ETV7: variants seen among roughly 807,000 people sequenced by gnomAD.
ETV7 encodes the protein transcription factor ETV7.
In ETV7, 43 loss-of-function variants were observed where a neutral mutation model predicts 39.1. That is an observed-to-expected ratio of 1.10 (90% confidence interval 0.86 to 1.42). The LOEUF is 1.42. ETV7 is among the 40% of genes most tolerant of loss of function. The probability of loss-of-function intolerance (pLI) is 0.00; values close to 1 mark genes in which losing one functional copy is unlikely to be tolerated. For synonymous variants in ETV7, 196 were observed against 176.6 expected (o/e 1.11, Z -0.87); for missense variants, 432 against 442.3 (o/e 0.98, Z 0.21).
exon 8 of ETV7, chr6:36,354,393 C>T (rs1056821884): frequency 1.3e-5 from 4 of 316,396 alleles, no homozygotes; most frequent in Admixed American, 9.6e-5. Context: ...TTAGCTCTTA[C>T]GTTTATGTCT....
chr6:36,371,323 C>A lies in ETV7; in HGVS notation c.664+7G>T. On this transcript the variant is annotated splice_region_variant and intron_variant, in intron 5 of 7. Transcript: ENST00000340181. ...TTCCATGGCCAGAGGAACAGCCTCCCACTCACCAGCGATCCTGCCGTCAAT... is the reference window on the plus strand; with the variant it reads ...TTCCATGGCCAGAGGAACAGCCTCCAACTCACCAGCGATCCTGCCGTCAAT... 6.4e-7 allele frequency: 1 copy of A among 1,574,572 alleles called. No homozygotes were observed. Among genetic ancestry groups the A allele is most frequent in the South Asian group, 1.2e-5 (1 of 86,514 alleles).
intron 7 of ETV7, among the ~76,000 whole-genome samples, chr6:36,360,469 C>T (rs1476941958): frequency 1.3e-5 from 2 of 152,108 alleles, no homozygotes; most frequent in Admixed American, 6.5e-5. Context: ...CAATTCCACC[C>T]CCACCCCTGC....
At chr6:36,380,910 C>G (rs909958018) in intron 2 of ETV7, among the ~76,000 whole-genome samples, 2 of 152,006 alleles carry the variant, frequency 1.3e-5, no homozygotes, top group Non-Finnish European at 2.9e-5. Context: ...CTTCCCACAG[C>G]ATCCCTTTTA....
intron 7 of ETV7, among the ~76,000 whole-genome samples, chr6:36,359,504 A>G (rs558909440): frequency 6.6e-6 from 1 of 152,300 alleles, no homozygotes; most frequent in African/African-American, 2.4e-5. Context: ...GGGACAGTCT[A>G]CTACAGGAGA....
At chr6:36,386,746 C>T (rs928552288) in intron 1 of ETV7, 3 of 152,274 alleles carry the variant, frequency 2.0e-5, no homozygotes, top group Non-Finnish European at 4.4e-5. Flanking sequence ...GGGTCGTTCT[C>T]ACTTCATTTC....
chr6:36,362,362 C>G (rs574212776), downstream of ETV7, among the ~76,000 whole-genome samples: 2 of 152,102 alleles, frequency 1.3e-5, no homozygotes, highest in Non-Finnish European at 2.9e-5. Flanking sequence ...ACTCGGGAGG[C>G]TGAGGCAGGA....
Position 36,378,354 on chromosome 6 carries a change from T to C in ETV7, c.143-2319A>G, listed in dbSNP as rs112576240. Among the ~76,000 whole-genome samples, 1,358 of 150,982 alleles carry C rather than the reference T, an allele frequency of 9.0e-3. 16 individuals are homozygous for C. Among genetic ancestry groups the C allele is most frequent in the African/African-American group, 0.031 (1,285 of 41,080 alleles). On this transcript the variant is annotated intron_variant, in intron 2 of 7. Transcript: ENST00000340181. Reference sequence around the variant, plus strand: ...GTAGGTAGATTAAAGGCATAAAGAATAGAAAAATACAAATCTTAATAGAAG... The same window carrying C: ...GTAGGTAGATTAAAGGCATAAAGAACAGAAAAATACAAATCTTAATAGAAG...
downstream of ETV7, among the ~76,000 whole-genome samples, chr6:36,363,519 C>A (rs978026150): frequency 5.3e-5 from 8 of 152,232 alleles, no homozygotes; most frequent in Admixed American, 3.3e-4. Flanking sequence ...AGGAGTGAAG[C>A]TGCAGATCTT....
chr6:36,363,066 G>A (rs2127383375), downstream of ETV7, among the ~76,000 whole-genome samples: 1 of 152,094 alleles, frequency 6.6e-6, no homozygotes, highest in Middle Eastern at 3.4e-3. Context: ...TAAAATGAGG[G>A]CCTGGATAAA....
At chr6:36,384,396 G>A (rs1182301820) in intron 2 of ETV7, among the ~76,000 whole-genome samples, 1 of 151,934 alleles carries the variant, frequency 6.6e-6, no homozygotes, top group Admixed American at 6.5e-5. Context: ...AAGTGATCCT[G>A]CATTGTTTGG....
chr6:36,357,615 G>A (rs1397498327), intron 7 of ETV7, among the ~76,000 whole-genome samples: 5 of 152,140 alleles, frequency 3.3e-5, no homozygotes, highest in African/African-American at 1.2e-4. Context: ...GCTGGCTCAT[G>A]CCTGTAATCC....
intron 3 of ETV7, 23 bp from the exon 4 acceptor site, chr6:36,373,601 G>GGGGGGC: frequency 2.7e-5 from 13 of 475,590 alleles, no homozygotes; most frequent in Non-Finnish European, 4.4e-5. Flanking sequence ...GGGAGGGAGG[G>GGGGGGC]CAGGCTGCTG....
intron 3 of ETV7, 150 bp downstream of exon 3, chr6:36,375,721 G>A (rs1341151927): frequency 8.0e-6 from 10 of 1,244,444 alleles, no homozygotes; most frequent in South Asian, 2.7e-5. Context: ...AGATACACAC[G>A]TATGCAGAGG....
chr6:36,384,289 TA>T (rs1394331924), intron 2 of ETV7, among the ~76,000 whole-genome samples: 1 of 152,132 alleles, frequency 6.6e-6, no homozygotes, highest in Non-Finnish European at 1.5e-5. Flanking sequence ...CACCCTGAGT[TA>T]TGCAATCAGA....
At chr6:36,358,178 C>A (rs1335283481) in intron 7 of ETV7, among the ~76,000 whole-genome samples, 1 of 152,252 alleles carries the variant, frequency 6.6e-6, no homozygotes, top group Admixed American at 6.5e-5. Flanking sequence ...TAGGGCTGGC[C>A]TCCTTAGAAG....
chr6:36,368,558 C>T (rs1772839246), intron 6 of ETV7, among the ~76,000 whole-genome samples: 1 of 152,168 alleles, frequency 6.6e-6, no homozygotes, highest in South Asian at 2.1e-4. Flanking sequence ...GCCTTTCCAG[C>T]CCTGACATCA....
chr6:36,357,327 T>C (rs1423809628), intron 7 of ETV7, among the ~76,000 whole-genome samples: 2 of 151,998 alleles, frequency 1.3e-5, no homozygotes, highest in Non-Finnish European at 2.9e-5. Flanking sequence ...AGGGAGGGAC[T>C]AGAGAAATAA....
intron 7 of ETV7, among the ~76,000 whole-genome samples, chr6:36,360,195 T>G (rs1772450760): frequency 6.6e-6 from 1 of 152,168 alleles, no homozygotes; most frequent in African/African-American, 2.4e-5. Context: ...CCGGCCAGTC[T>G]TTTTGATTCC....
intron 7 of ETV7, among the ~76,000 whole-genome samples, chr6:36,360,679 T>A (rs1235581032): frequency 6.6e-6 from 1 of 152,144 alleles, no homozygotes; most frequent in Non-Finnish European, 1.5e-5. Context: ...TTGCACCACC[T>A]AGTGGACATG....
Sources: allele counts gnomAD v4.1 joint callset (sites outside exome capture counted in the v4.1 genomes callset), GRCh38; gene constraint gnomAD v4.1.1; transcripts MANE v1.5; gene names NCBI Gene and HGNC (gene_info 2026-07-23, HGNC 2026-07-21).